The following HIVEP3 variants were observed in gnomAD, a reference collection of about 807,000 sequenced individuals.
HIVEP3 encodes the protein HIVEP zinc finger 3.
Under a neutral mutation model 152.8 loss-of-function variants are expected in HIVEP3, and 49 were observed. The ratio of observed to expected loss-of-function variants is 0.32; its 90% confidence interval spans 0.26 to 0.41. The LOEUF is 0.41. Among genes scored for constraint, HIVEP3 ranks in the 10% least tolerant of loss-of-function variants. HIVEP3 has a pLI of 1.00. For synonymous variants in HIVEP3, 1,269 were observed against 1,289.0 expected, an observed-to-expected ratio of 0.98 and a Z score of 0.33; for missense variants, 2,790 against 3,103.3, an observed-to-expected ratio of 0.90 and a Z score of 2.40.
intron 1 of HIVEP3, among the ~76,000 whole-genome samples, chr1:41,903,823 G>A (rs1570776667): frequency 1.3e-5 from 2 of 151,998 alleles, no homozygotes; most frequent in African/African-American, 2.4e-5. Context: ...CACTGGGAAA[G>A]CCATCAGCAT....
At chr1:41,748,056 G>A (rs1312400920) in intron 1 of HIVEP3, among the ~76,000 whole-genome samples, 2 of 152,200 alleles carry the variant, frequency 1.3e-5, no homozygotes, top group African/African-American at 4.8e-5. Flanking sequence ...CAGGCACATG[G>A]TTCATATATA....
At chr1:41,769,925 G>A (rs2055954) in intron 1 of HIVEP3, among the ~76,000 whole-genome samples, 57,031 of 152,072 alleles carry the variant, frequency 0.38, 11,789 homozygotes, top group Middle Eastern at 0.54. Context: ...AAAAATGGCA[G>A]CAGGCAAGAT....
At chr1:41,976,611 C>A (rs1182011932) in intron 1 of HIVEP3, among the ~76,000 whole-genome samples, 1 of 152,182 alleles carries the variant, frequency 6.6e-6, no homozygotes, top group Non-Finnish European at 1.5e-5. Context: ...TTCTTAGATA[C>A]TGCAATTCAG....
intron 1 of HIVEP3, among the ~76,000 whole-genome samples, chr1:41,912,460 C>G (rs548663836): frequency 6.6e-6 from 1 of 152,162 alleles, no homozygotes; most frequent in Non-Finnish European, 1.5e-5. Flanking sequence ...GGCAAAGATG[C>G]TCTCCTCAAT....
intron 2 of HIVEP3, among the ~76,000 whole-genome samples, chr1:41,695,262 G>A (rs1197582882): frequency 2.6e-5 from 4 of 152,176 alleles, no homozygotes; most frequent in Non-Finnish European, 5.9e-5. Context: ...GCCCTCCAGA[G>A]TCCTCCTCCT....
intron 1 of HIVEP3, among the ~76,000 whole-genome samples, chr1:41,904,769 C>G (rs1395837016): frequency 6.6e-6 from 1 of 152,206 alleles, no homozygotes; most frequent in African/African-American, 2.4e-5. Context: ...GAGAAAATGG[C>G]CAGACCCAGG....
At chr1:41,570,682 C>T (rs760893217) in intron 5 of HIVEP3, among the ~76,000 whole-genome samples, 4 of 152,140 alleles carry the variant, frequency 2.6e-5, no homozygotes, top group South Asian at 4.1e-4. Context: ...CCTGCATGGA[C>T]GAGCGAAGGA....
At chr1:41,586,198 A>C (rs911423009) in intron 3 of HIVEP3, among the ~76,000 whole-genome samples, 1 of 152,202 alleles carries the variant, frequency 6.6e-6, no homozygotes, top group African/African-American at 2.4e-5. Context: ...GTTGGTCTGC[A>C]TATAGCCCCA....
intron 1 of HIVEP3, among the ~76,000 whole-genome samples, chr1:41,768,942 T>C (rs1648179568): frequency 6.6e-6 from 1 of 152,228 alleles, no homozygotes; most frequent in Non-Finnish European, 1.5e-5. Flanking sequence ...CCCACAAGGC[T>C]TCCATTCCAA....
intron 1 of HIVEP3, among the ~76,000 whole-genome samples, chr1:41,963,168 C>T (rs1411755843): frequency 1.3e-5 from 2 of 152,152 alleles, no homozygotes; most frequent in Non-Finnish European, 2.9e-5. Flanking sequence ...CCTGCCACCA[C>T]GCCCAGCTAT....
intron 3 of HIVEP3, among the ~76,000 whole-genome samples, chr1:41,625,527 G>A (rs192595003): frequency 2.6e-5 from 4 of 152,102 alleles, no homozygotes; most frequent in East Asian, 1.9e-4. Context: ...CAGAGGTGTC[G>A]CTAATAACAT....
chr1:41,514,664 A>C (rs2149047843), intron 7 of HIVEP3, among the ~76,000 whole-genome samples: 1 of 152,274 alleles, frequency 6.6e-6, no homozygotes, highest in South Asian at 2.1e-4. Context: ...TCCACCCCAT[A>C]GTTTTCGACC....
chr1:41,660,783 T>G (rs1031248983), intron 2 of HIVEP3, among the ~76,000 whole-genome samples: 2 of 152,200 alleles, frequency 1.3e-5, no homozygotes, highest in African/African-American at 4.8e-5. Flanking sequence ...AGCCTTTCAT[T>G]TGCCAGTATG....
intron 1 of HIVEP3, among the ~76,000 whole-genome samples, chr1:41,778,628 T>C (rs1648857339): frequency 6.6e-6 from 1 of 152,210 alleles, no homozygotes; most frequent in East Asian, 1.9e-4. Context: ...ATTCATTTAT[T>C]CCCTCTGTAA....
At position 41,784,208 on chromosome 1, in the gene HIVEP3, G is replaced by A. The variant is rs114713101; in HGVS notation, c.-800-83213C>T. On this transcript the variant is annotated intron_variant, in intron 1 of 8. Coordinates refer to ENST00000372583, the MANE Select transcript of HIVEP3 (RefSeq NM_024503.5). ...AGGATATGGAAGCCACTAGCCACTT[G>A]TGGCTATTGAAATGTGGCTAGGCCA... Among the ~76,000 whole-genome samples the A allele has an allele frequency of 4.8e-3, 735 of 152,330 alleles. 6 individuals carry two copies. Among genetic ancestry groups the A allele is most frequent in the African/African-American group, 0.017 (707 of 41,570 alleles).
At chr1:41,598,695 T>C (rs1249328586) in intron 3 of HIVEP3, among the ~76,000 whole-genome samples, 2 of 152,174 alleles carry the variant, frequency 1.3e-5, no homozygotes, top group African/African-American at 4.8e-5. Flanking sequence ...TAGGCCTTAC[T>C]ATAAGCTACA....
intron 1 of HIVEP3, among the ~76,000 whole-genome samples, chr1:41,907,456 G>C (rs953397895): frequency 1.3e-5 from 2 of 152,204 alleles, no homozygotes; most frequent in Non-Finnish European, 2.9e-5. Flanking sequence ...ACCTAAGACA[G>C]CACCCATATG....
intron 1 of HIVEP3, among the ~76,000 whole-genome samples, chr1:41,778,603 C>T (rs550535546): frequency 6.6e-5 from 10 of 152,198 alleles, no homozygotes; most frequent in Non-Finnish European, 1.5e-4. Context: ...GTTTTAGGGG[C>T]TGAGCTCTCG....
chr1:41,777,155 C>A (rs569224307), intron 1 of HIVEP3, among the ~76,000 whole-genome samples: 1 of 152,338 alleles, frequency 6.6e-6, no homozygotes, highest in Admixed American at 6.5e-5. Context: ...AGAGCCTGAT[C>A]TGGGGCTCTC....
Sources: gnomAD v4.1 joint callset for allele counts (sites outside exome capture counted in the v4.1 genomes callset) on GRCh38, gnomAD v4.1.1 for gene constraint, MANE v1.5 for transcripts, NCBI Gene and HGNC (gene_info 2026-07-23, HGNC 2026-07-21) for gene names.